SERINC5: variants seen among roughly 807,000 people sequenced by gnomAD.
The protein encoded by SERINC5 is serine incorporator 5.
A neutral mutation model predicts 63.1 loss-of-function variants in SERINC5; 41 were observed. That is an observed-to-expected ratio of 0.65 (90% CI 0.51 to 0.84). SERINC5 has a LOEUF of 0.84. Among genes scored for constraint, SERINC5 ranks in the 40% least tolerant of loss-of-function variants. The pLI is 0.00. For synonymous variants in SERINC5, 222 were observed against 215.2 expected (o/e 1.03, Z -0.28); for missense variants, 523 against 573.0 (o/e 0.91, Z 0.89).
At chr5:80,150,248 C>T (rs1746084060) in intron 9 of SERINC5, among the ~76,000 whole-genome samples, 1 of 151,804 alleles carries the variant, frequency 6.6e-6, no homozygotes, top group South Asian at 2.1e-4. Flanking sequence ...AAATAAAACC[C>T]ACCAAGACTC....
intron 8 of SERINC5, among the ~76,000 whole-genome samples, chr5:80,154,146 C>G (rs1019071199): frequency 3.3e-5 from 5 of 152,240 alleles, no homozygotes; most frequent in Middle Eastern, 3.4e-3. Context: ...CTCTGTGAAC[C>G]TGGGGCATGG....
intron 1 of SERINC5, among the ~76,000 whole-genome samples, chr5:80,215,344 G>C (rs963643810): frequency 1.6e-4 from 25 of 152,164 alleles, no homozygotes; most frequent in African/African-American, 5.6e-4. Context: ...ATGATTGGAA[G>C]CTTCCTGAGG....
At chr5:80,120,534 C>T (rs1288005575) in intron 11 of SERINC5, among the ~76,000 whole-genome samples, 1 of 152,120 alleles carries the variant, frequency 6.6e-6, no homozygotes, top group Non-Finnish European at 1.5e-5. Context: ...AAGAAATACC[C>T]ATGGCCAGGC....
intron 6 of SERINC5, among the ~76,000 whole-genome samples, chr5:80,168,059 C>T (rs1467169720): frequency 6.6e-6 from 1 of 152,138 alleles, no homozygotes; most frequent in Non-Finnish European, 1.5e-5. Context: ...TAGGACTTAA[C>T]CCAAAGATTT....
intron 1 of SERINC5, among the ~76,000 whole-genome samples, chr5:80,234,507 A>ACACTACCAC (rs934417800): frequency 3.3e-5 from 5 of 152,318 alleles, no homozygotes; most frequent in African/African-American, 1.2e-4. Context: ...AACACATCAC[A>ACACTACCAC]CACTACCACC....
chr5:80,255,367 G>A (rs1333671324), intron 1 of SERINC5, among the ~76,000 whole-genome samples: 1 of 152,080 alleles, frequency 6.6e-6, no homozygotes, highest in Non-Finnish European at 1.5e-5. Context: ...CCTGCGCCCG[G>A]TAGTTTGGAA....
intron 7 of SERINC5, among the ~76,000 whole-genome samples, chr5:80,161,135 AT>A (rs1440608439): frequency 1.3e-5 from 2 of 151,922 alleles, no homozygotes; most frequent in East Asian, 3.9e-4. Context: ...TATCTTTGCT[AT>A]TGTGAACAGT....
intron 7 of SERINC5, among the ~76,000 whole-genome samples, chr5:80,165,388 CATTT>C (rs1321109122): frequency 1.3e-5 from 2 of 152,160 alleles, no homozygotes; most frequent in East Asian, 1.9e-4. Flanking sequence ...TTAGACACTA[CATTT>C]ATTTGACTTA....
chr5:80,239,175 C>T lies in SERINC5; in HGVS notation c.27+16721G>A, dbSNP rs565953543. ...TCCCAGATTCTCACAACCCCATGGA[C>T]AGCCCATAAGCCATCTGAGAATGGC... is the stretch of plus-strand genomic sequence containing the variant. On this transcript the variant is annotated intron_variant, in intron 1 of 11. Transcript: ENST00000507668. Among the ~76,000 whole-genome samples, 120 of 152,312 alleles carry T rather than the reference C, an allele frequency of 7.9e-4. 1 individual carries two copies. The highest frequency in any genetic ancestry group is 2.7e-3 in the African/African-American group (112 of 41,566).
At chr5:80,188,119 C>CT (rs1171199389) in intron 2 of SERINC5, among the ~76,000 whole-genome samples, 1 of 151,740 alleles carries the variant, frequency 6.6e-6, no homozygotes, top group Non-Finnish European at 1.5e-5. Context: ...CCCGTCTCTG[C>CT]TAAAAAATAC....
intron 2 of SERINC5, among the ~76,000 whole-genome samples, chr5:80,196,661 AAT>A (rs1749515626): frequency 6.6e-6 from 1 of 152,222 alleles, no homozygotes; most frequent in Non-Finnish European, 1.5e-5. Context: ...GGATACATAA[AAT>A]ATGTTACAGG....
intron 11 of SERINC5, among the ~76,000 whole-genome samples, chr5:80,145,165 T>G (rs968651050): frequency 5.9e-5 from 9 of 151,266 alleles, no homozygotes; most frequent in Admixed American, 1.3e-4. Context: ...ATGGTGAAAC[T>G]CCGTCTCTAC....
chr5:80,248,614 A>G (rs1443588844), intron 1 of SERINC5, among the ~76,000 whole-genome samples: 1 of 152,246 alleles, frequency 6.6e-6, no homozygotes, highest in Non-Finnish European at 1.5e-5. Flanking sequence ...AACATCAACC[A>G]AAACACCACC....
chr5:80,146,330 GA>G (rs1745824804), intron 10 of SERINC5, 96 bp from the exon 11 acceptor site: 7 of 1,444,598 alleles, frequency 4.8e-6, no homozygotes, highest in Non-Finnish European at 6.6e-6. Flanking sequence ...GCTGTCAGTA[GA>G]AAAGATGCCA....
chr5:80,143,399 C>G lies in SERINC5; in HGVS notation c.*264G>C. ...GCAAAAACATGCAGAAGGAAGTCAACATAACTGGTATCCAGTTCCTAGGGG... is the reference window on the plus strand; with the variant it reads ...GCAAAAACATGCAGAAGGAAGTCAAGATAACTGGTATCCAGTTCCTAGGGG... On this transcript the variant is annotated 3_prime_UTR_variant, in exon 12 of 12. Transcript: ENST00000507668. The G allele has an allele frequency of 2.5e-6, 3 of 1,179,424 alleles. No homozygotes were observed. The highest frequency in any genetic ancestry group is 3.1e-6 in the Non-Finnish European group (3 of 953,846). 73.1% of individuals were successfully genotyped at this position (1,179,424 alleles called of 1,614,324 possible).
At chr5:80,207,391 C>T (rs1442213150) in intron 1 of SERINC5, among the ~76,000 whole-genome samples, 3 of 152,180 alleles carry the variant, frequency 2.0e-5, no homozygotes, top group African/African-American at 4.8e-5. Context: ...ATGCCTCCCA[C>T]AATAAAACAT....
intron 2 of SERINC5, among the ~76,000 whole-genome samples, chr5:80,197,362 A>G (rs1010764342): frequency 5.9e-4 from 42 of 71,254 alleles, no homozygotes; most frequent in Non-Finnish European, 9.7e-4. Flanking sequence ...AGAGAGAGAG[A>G]GAACGGACCA....
intron 7 of SERINC5, among the ~76,000 whole-genome samples, chr5:80,162,845 C>CT (rs112667326): frequency 0.13 from 18,972 of 146,750 alleles, 2,394 homozygotes; most frequent in African/African-American, 0.32. Context: ...ACACTACTGA[C>CT]TTTTTTTTTT....
intron 1 of SERINC5, among the ~76,000 whole-genome samples, chr5:80,227,498 C>T (rs1455763549): frequency 6.6e-6 from 1 of 151,690 alleles, no homozygotes. Context: ...CAGCGGCTCA[C>T]ACCTCTAATC....
Sources: allele counts gnomAD v4.1 joint callset (sites outside exome capture counted in the v4.1 genomes callset), GRCh38; gene constraint gnomAD v4.1.1; transcripts MANE v1.5; gene names NCBI Gene and HGNC (gene_info 2026-07-23, HGNC 2026-07-21).